The following CDH4 variants were observed in gnomAD, a reference collection of about 807,000 sequenced individuals.
The protein encoded by CDH4 is cadherin-4.
Under a neutral mutation model 86.0 loss-of-function variants are expected in CDH4, and 33 were observed. The ratio of observed to expected loss-of-function variants is 0.38; its 90% CI spans 0.29 to 0.51. The LOEUF (loss-of-function observed/expected upper bound fraction) is 0.51, where lower values mean the gene tolerates loss of function less well. Ranked by LOEUF, CDH4 falls within the 20% of genes least tolerant of loss-of-function variation. CDH4 has a pLI of 0.86. For synonymous variants in CDH4, 555 were observed against 549.4 expected, an observed-to-expected ratio of 1.01 and a Z score of -0.14; for missense variants, 1,114 against 1,307.4, an observed-to-expected ratio of 0.85 and a Z score of 2.28.
At chr20:61,646,740 A>C (rs2087065651) in intron 2 of CDH4, among the ~76,000 whole-genome samples, 1 of 152,254 alleles carries the variant, frequency 6.6e-6, no homozygotes, top group Admixed American at 6.5e-5. Context: ...CCTCCAGTTC[A>C]TTAAGGCCAA....
In CDH4 at chr20:61,492,317, T is replaced by C. The variant is rs369993168; in HGVS notation, c.169+237380T>C. Among the ~76,000 whole-genome samples the C allele has an allele frequency of 6.4e-3, 967 of 151,924 alleles. 9 individuals carry two copies. Among genetic ancestry groups the C allele is most frequent in the African/African-American group, 0.022 (930 of 41,404 alleles). ...ATGTTGGTGTTGATGTAGGTGGTGT[T>C]GATATTGTTGATGTTTGTGATGTTG... On this transcript the variant is annotated intron_variant, in intron 2 of 15. Transcript: ENST00000614565.
chr20:61,523,137 C>G lies in CDH4; in HGVS notation c.170-220426C>G, dbSNP rs370257751. On this transcript the variant is annotated intron_variant, in intron 2 of 15. Transcript: ENST00000614565. ...GCACTGTCCATTCACTGCCCATCCT[C>G]CATCCCTCTCCCTAGCCACAGAGGT... is the stretch of plus-strand genomic sequence containing the variant. Among the ~76,000 whole-genome samples, 48 of 152,362 alleles carry G rather than the reference C, an allele frequency of 3.2e-4. 1 individual carries two copies. The highest frequency in any genetic ancestry group is 1.1e-3 in the African/African-American group (47 of 41,596).
At chr20:61,470,850 G>GAA (rs2085498018) in intron 2 of CDH4, among the ~76,000 whole-genome samples, 2 of 152,076 alleles carry the variant, frequency 1.3e-5, no homozygotes, top group African/African-American at 2.4e-5. Context: ...ATTGATTCAT[G>GAA]TATGTTGAAC....
chr20:61,767,751 G>GT (rs1210527943), intron 3 of CDH4, among the ~76,000 whole-genome samples: 1 of 152,140 alleles, frequency 6.6e-6, no homozygotes, highest in African/African-American at 2.4e-5. Context: ...GAGGGGAACT[G>GT]TGGGGTATGG....
rs73917317 is a variant in CDH4, at chr20:61,624,553, G to A, written c.170-119010G>A. On this transcript the variant is annotated intron_variant, in intron 2 of 15. Coordinates refer to ENST00000614565, the MANE Select transcript of CDH4 (RefSeq NM_001794.5). ...TTGTGTCCACCAAATGGCCTCCAAG[G>A]CCAGGCAGCCAGGAGACCAAGCCTC... Among the ~76,000 whole-genome samples the A allele has an allele frequency of 4.9e-3, 739 of 152,332 alleles. 4 individuals carry two copies. The highest frequency in any genetic ancestry group is 0.015 in the African/African-American group (638 of 41,568).
chr20:61,637,799 T>C (rs2086962898), intron 2 of CDH4, among the ~76,000 whole-genome samples: 2 of 152,040 alleles, frequency 1.3e-5, no homozygotes, highest in South Asian at 4.2e-4. Context: ...GGCGGGCGGA[T>C]CACCTGAGGT....
rs759040638 is a variant in CDH4, at chr20:61,873,696, C to T, written c.878-32C>T. ...GGGGGTGGCAGCCTGTGTGGCAGGC[C>T]ATCCCCATCTGAGCTGCTGTCTCCG... On this transcript the variant is annotated intron_variant, in intron 6 of 15. Transcript: ENST00000614565. The T allele has an allele frequency of 1.2e-6, 2 of 1,600,604 alleles. 1 individual carries two copies. The highest frequency in any genetic ancestry group is 2.2e-5 in the South Asian group (2 of 89,292).
intron 2 of CDH4, among the ~76,000 whole-genome samples, chr20:61,331,635 AGACCCACCTCCCGCCCC>A (rs2084576983): frequency 1.3e-4 from 1 of 7,514 alleles, no homozygotes. Flanking sequence ...CTCCTGCCCC[AGACCCACCTCCCGCCCC>A]AGCCACCTGC....
At chr20:61,304,217 C>T (rs1303815779) in intron 2 of CDH4, among the ~76,000 whole-genome samples, 1 of 152,116 alleles carries the variant, frequency 6.6e-6, no homozygotes, top group Non-Finnish European at 1.5e-5. Context: ...ATCCTCCGAA[C>T]GCAGTTCTCA....
At position 61,634,170 on chromosome 20, in the gene CDH4, G is replaced by A. The variant is rs969006122; in HGVS notation, c.170-109393G>A. 3.9e-5 allele frequency among the ~76,000 whole-genome samples: 6 copies of A among 152,254 alleles called. No homozygotes were observed. The South Asian group carries it at 6.2e-4, about 16-fold the overall frequency. On this transcript the variant is annotated intron_variant, in intron 2 of 15. Transcript: ENST00000614565. ...ATTTCATGAAAGGGCTCTGCAAACC[G>A]TAAAGCTCTGTAAGCAGCTCAGGGC...
In CDH4 at chr20:61,829,870, G is replaced by T. The variant is rs1022710265; in HGVS notation, c.577-14798G>T. On this transcript the variant is annotated intron_variant, in intron 4 of 15. Transcript: ENST00000614565. The surrounding 1 kb of genome is among the most constrained non-coding windows in gnomAD (Gnocchi z 4.2). ...AAAGCTCATTTCCCTCATCCCTCCC[G>T]CCCCTAGCCTGCTGGGGTGGGAGGG... Among the ~76,000 whole-genome samples, 1 of 151,958 alleles carries T rather than the reference G, an allele frequency of 6.6e-6. No homozygotes were observed. Among genetic ancestry groups the T allele is most frequent in the African/African-American group, 2.4e-5 (1 of 41,362 alleles).
chr20:61,773,101 G>A lies in CDH4; in HGVS notation c.495G>A (p.Arg165=). Residue 165 remains arginine, a synonymous_variant, in exon 4 of 16, where the codon AGG becomes AGA. Coordinates refer to ENST00000614565, the MANE Select transcript of CDH4 (RefSeq NM_001794.5). ...WPQHQNANGL[R]RRKRDWVIPP... ...AGCACCAGAACGCCAACGGGCTGAG[G>A]CGGCGCAAACGGGACTGGGTCATCC... The A allele has an allele frequency of 6.2e-7, 1 of 1,612,782 alleles. No homozygotes were observed.
intron 2 of CDH4, among the ~76,000 whole-genome samples, chr20:61,682,696 TGCCAGGAATGATTTTACCTCCCCAC>T (rs1467460198): frequency 1.3e-5 from 2 of 152,088 alleles, no homozygotes; most frequent in South Asian, 2.1e-4. Context: ...TACCTCCCCA[TGCCAGGAATGATTTTACCTCCCCAC>T]GCCAGGAATG....
intron 2 of CDH4, among the ~76,000 whole-genome samples, chr20:61,321,829 G>A (rs2084510049): frequency 6.6e-6 from 1 of 152,258 alleles, no homozygotes; most frequent in Non-Finnish European, 1.5e-5. Context: ...TCCAATAGCT[G>A]CCAAAGACGC....
chr20:61,409,563 G>C (rs2085104196), intron 2 of CDH4, among the ~76,000 whole-genome samples: 1 of 152,242 alleles, frequency 6.6e-6, no homozygotes, highest in Non-Finnish European at 1.5e-5. Flanking sequence ...CGCCCTGAGA[G>C]GTATCGCACT....
At chr20:61,806,647 C>T (rs945550664) in intron 4 of CDH4, among the ~76,000 whole-genome samples, 23 of 152,218 alleles carry the variant, frequency 1.5e-4, no homozygotes, top group African/African-American at 5.5e-4. Context: ...TGGAATTGCT[C>T]AGGGGCTGCT....
chr20:61,346,165 G>T (rs1360914609), intron 2 of CDH4, among the ~76,000 whole-genome samples: 1 of 152,144 alleles, frequency 6.6e-6, no homozygotes, highest in Non-Finnish European at 1.5e-5. Flanking sequence ...AGGGTGAGGT[G>T]GTCATTCCAT....
chr20:61,862,610 T>A (rs1195654083), intron 6 of CDH4, among the ~76,000 whole-genome samples: 1 of 152,136 alleles, frequency 6.6e-6, no homozygotes, highest in Non-Finnish European at 1.5e-5. Context: ...CACTGACCAG[T>A]GACTGTTTTC....
At chr20:61,705,405 C>G (rs1329474863) in intron 2 of CDH4, among the ~76,000 whole-genome samples, 1 of 152,254 alleles carries the variant, frequency 6.6e-6, no homozygotes, top group African/African-American at 2.4e-5. Flanking sequence ...CCCTTCATCT[C>G]TGGCTTCTGC....
Sources: allele counts gnomAD v4.1 joint callset (sites outside exome capture counted in the v4.1 genomes callset), GRCh38; gene constraint gnomAD v4.1.1; non-coding constraint Gnocchi (gnomAD v3.1); transcripts MANE v1.5; gene names NCBI Gene and HGNC (gene_info 2026-07-23, HGNC 2026-07-21).